UFSP2: variants seen among roughly 807,000 people sequenced by gnomAD.
UFSP2 encodes UFM1 specific peptidase 2, also known as ufm1-specific protease 2.
A neutral mutation model predicts 60.2 loss-of-function variants in UFSP2; 43 were observed. The ratio of observed to expected loss-of-function variants is 0.71; its 90% CI spans 0.56 to 0.92. The LOEUF is 0.92. Ranked by LOEUF, UFSP2 falls within the 40% of genes least tolerant of loss-of-function variation. The pLI is 0.00. For missense variants in UFSP2, 520 were observed against 575.0 expected, an observed-to-expected ratio of 0.90 and a Z score of 0.98; for synonymous variants, 183 against 195.1, an observed-to-expected ratio of 0.94 and a Z score of 0.52.
rs756781505 is a variant in UFSP2, at chr4:185,415,733, A to G, written c.468T>C (p.Val156=). The stretch of plus-strand genomic sequence containing the variant: ...ACTTTCCCCATGTTTCTTCTGGAGC[A>G]ACAGATATAACTGCATCGACAGGTA... ...MTLPVDAVIS[V]APEETWGKVR... The change falls in exon 5 of 12, where the codon GTT becomes GTC. Residue 156 remains valine, a synonymous_variant. Transcript: ENST00000264689. The G allele has an allele frequency of 6.2e-7, 1 of 1,610,600 alleles. No homozygotes were observed. Among genetic ancestry groups the G allele is most frequent in the South Asian group, 1.1e-5 (1 of 90,078 alleles).
At chr4:185,423,591 TA>T (rs1364126334) in intron 1 of UFSP2, among the ~76,000 whole-genome samples, 20 of 152,102 alleles carry the variant, frequency 1.3e-4, no homozygotes, top group South Asian at 8.3e-4. Context: ...CATATAGCCA[TA>T]AAAAAATCAT....
At chr4:185,415,066 T>C in intron 6 of UFSP2, 89 bp downstream of exon 6, 1 of 1,117,212 alleles carries the variant, frequency 9.0e-7, no homozygotes, top group South Asian at 1.6e-5. Context: ...AATCACAAAA[T>C]ACCTTCCATT....
At chr4:185,417,985 A>T (rs1001778342) in intron 4 of UFSP2, among the ~76,000 whole-genome samples, 18 of 150,866 alleles carry the variant, frequency 1.2e-4, no homozygotes, top group African/African-American at 4.4e-4. Context: ...CGGAAGTTGC[A>T]GTGAGCCGAG....
intron 9 of UFSP2, chr4:185,406,156 C>T (rs2095520135): frequency 2.6e-6 from 1 of 379,592 alleles, no homozygotes; most frequent in South Asian, 2.5e-5. Flanking sequence ...TAAAACATCA[C>T]CTTGGTGCTC....
intron 1 of UFSP2, among the ~76,000 whole-genome samples, chr4:185,422,885 G>A (rs1405899466): frequency 1.3e-5 from 1 of 78,360 alleles, no homozygotes; most frequent in African/African-American, 5.0e-5. Flanking sequence ...TTGGAGACAG[G>A]GTCTCACTCT....
At chr4:185,411,378 T>TA (rs1459444475) in intron 7 of UFSP2, among the ~76,000 whole-genome samples, 2 of 151,658 alleles carry the variant, frequency 1.3e-5, no homozygotes, top group African/African-American at 4.8e-5. Flanking sequence ...TCTAAAAAAC[T>TA]AAAAAAGGAA....
intron 1 of UFSP2, among the ~76,000 whole-genome samples, chr4:185,425,034 AGGT>A (rs1490310496): frequency 3.3e-5 from 5 of 152,224 alleles, no homozygotes; most frequent in Non-Finnish European, 5.9e-5. Flanking sequence ...AAGACCACTT[AGGT>A]GACTACCCCA....
chr4:185,409,749 C>T (rs977906514), intron 7 of UFSP2, among the ~76,000 whole-genome samples: 5 of 152,120 alleles, frequency 3.3e-5, no homozygotes, highest in African/African-American at 1.2e-4. Flanking sequence ...GATTAAGGAT[C>T]TTAAGATGGG....
chr4:185,406,878 T>G (rs2126881239), intron 9 of UFSP2, among the ~76,000 whole-genome samples: 1 of 150,620 alleles, frequency 6.6e-6, no homozygotes, highest in South Asian at 2.1e-4. Context: ...GCCCAGCCAG[T>G]CTGTCATTTT....
chr4:185,424,252 GC>G (rs1356079616), intron 1 of UFSP2, among the ~76,000 whole-genome samples: 1 of 152,044 alleles, frequency 6.6e-6, no homozygotes, highest in Admixed American at 6.6e-5. Context: ...GCTACAGTGA[GC>G]CATGATCACA....
chr4:185,420,897 T>G (rs770279868), intron 2 of UFSP2, among the ~76,000 whole-genome samples: 3 of 152,238 alleles, frequency 2.0e-5, no homozygotes, highest in Non-Finnish European at 2.9e-5. Context: ...TTGTTTACAT[T>G]TGATTATTGG....
chr4:185,418,253 G>A (rs1035799021), intron 4 of UFSP2, among the ~76,000 whole-genome samples, 188 bp downstream of exon 4: 1 of 152,110 alleles, frequency 6.6e-6, no homozygotes, highest in Non-Finnish European at 1.5e-5. Flanking sequence ...TTGAGATTAT[G>A]TATTATAATC....
chr4:185,400,618 C>T (rs2095512138), intron 11 of UFSP2, 140 bp from the exon 12 acceptor site: 4 of 538,254 alleles, frequency 7.4e-6, no homozygotes, highest in Non-Finnish European at 1.3e-5. Flanking sequence ...TGAATTCCTA[C>T]TAGCATAGAA....
intron 2 of UFSP2, among the ~76,000 whole-genome samples, chr4:185,421,563 C>A (rs1026128718): frequency 6.6e-6 from 1 of 152,144 alleles, no homozygotes; most frequent in African/African-American, 2.4e-5. Context: ...TACACTGCCC[C>A]CTCCTTTGCC....
Position 185,399,848 on chromosome 4 carries a change from A to G in UFSP2, c.*544T>C, listed in dbSNP as rs2095511092. The G allele has an allele frequency of 6.3e-7, 1 of 1,586,872 alleles. No homozygotes were observed. Among genetic ancestry groups the G allele is most frequent in the African/African-American group, 1.4e-5 (1 of 74,016 alleles). On this transcript the variant is annotated 3_prime_UTR_variant, in exon 12 of 12. Transcript: ENST00000264689. ...TTGCATAGCATTTATTATTCCATTT[A>G]ATACTGACACTCGTATTTCTAGTAG...
At chr4:185,405,887 CT>C (rs755980362) in intron 9 of UFSP2, 31 bp from the exon 10 acceptor site, 11 of 1,613,720 alleles carry the variant, frequency 6.8e-6, no homozygotes, top group Non-Finnish European at 8.5e-6. Flanking sequence ...ATCAGATGAA[CT>C]ACTTCCAACA....
rs1235814760 is a variant in UFSP2, at chr4:185,425,916, C to T, written c.-48G>A. 8 of 1,576,034 alleles carry T rather than the reference C, an allele frequency of 5.1e-6. No homozygotes were observed. Among genetic ancestry groups the T allele is most frequent in the Non-Finnish European group, 6.0e-6 (7 of 1,161,246 alleles). ...GGGCGCTGACGCCTGCCCAAAAGTT[C>T]CGGGGGCCGGCCCTGAAGTGGTGTC... On this transcript the variant is annotated 5_prime_UTR_variant, in exon 1 of 12. Coordinates refer to ENST00000264689, the MANE Select transcript of UFSP2 (RefSeq NM_018359.5).
chr4:185,415,992 G>T, intron 4 of UFSP2, 125 bp from the exon 5 acceptor site: 1 of 704,964 alleles, frequency 1.4e-6, no homozygotes, highest in Non-Finnish European at 2.2e-6. Flanking sequence ...GCCAAGTACA[G>T]TAGTGAAAAG....
chr4:185,423,405 C>A (rs1484725857), intron 1 of UFSP2, among the ~76,000 whole-genome samples: 3 of 152,114 alleles, frequency 2.0e-5, no homozygotes, highest in Admixed American at 2.0e-4. Context: ...CTGGTGGAAT[C>A]CTTCAGAGAA....
Sources: allele counts gnomAD v4.1 joint callset (sites outside exome capture counted in the v4.1 genomes callset), GRCh38; gene constraint gnomAD v4.1.1; transcripts MANE v1.5; gene names NCBI Gene and HGNC (gene_info 2026-07-23, HGNC 2026-07-21).